YEATS2: variants seen among roughly 807,000 people sequenced by gnomAD.
The protein encoded by YEATS2 is YEATS domain-containing protein 2.
In YEATS2, 77 loss-of-function variants were observed where a neutral mutation model predicts 163.2. The observed-to-expected ratio is 0.47, with a 90% CI of 0.39 to 0.57. The LOEUF is 0.57. Among genes scored for constraint, YEATS2 ranks in the 20% least tolerant of loss-of-function variants. The pLI, the probability that YEATS2 is intolerant of heterozygous loss-of-function variation, is 0.00. For synonymous variants in YEATS2, 631 were observed against 645.1 expected, an observed-to-expected ratio of 0.98 and a Z score of 0.33; for missense variants, 1,549 against 1,729.8, an observed-to-expected ratio of 0.90 and a Z score of 1.85.
At chr3:183,807,832 C>T (rs929384843) in intron 28 of YEATS2, 198 bp from the exon 29 acceptor site, 2 of 544,478 alleles carry the variant, frequency 3.7e-6, no homozygotes, top group Non-Finnish European at 6.6e-6. Context: ...AAATATCAGC[C>T]AGAAATGTGG....
rs556108935 is a variant in YEATS2 at position 183,797,303 on chromosome 3, G to A, written c.3098-620G>A. On this transcript the variant is annotated intron_variant, in intron 21 of 30. Coordinates refer to ENST00000305135, the MANE Select transcript of YEATS2 (RefSeq NM_018023.5). The stretch of plus-strand genomic sequence containing the variant: ...AAAAAAAAAAAGCCCAGTGCTTTGG[G>A]AGGCCATGGTGGGAGGATCGCTCGA... 4.1e-4 allele frequency among the ~76,000 whole-genome samples: 61 copies of A among 150,564 alleles called. No individual in the cohort carries two copies. In the South Asian group the frequency reaches 0.013, roughly 32 times the overall value.
intron 15 of YEATS2, among the ~76,000 whole-genome samples, chr3:183,767,285 G>A (rs1381001250): frequency 1.3e-5 from 2 of 151,988 alleles, no homozygotes; most frequent in Non-Finnish European, 2.9e-5. Flanking sequence ...GAGTGCAGTG[G>A]TGCAGTCTTG....
Position 183,810,548 on chromosome 3 carries a change from A to G in YEATS2, c.4234A>G (p.Asn1412Asp), listed in dbSNP as rs1230359756. The change falls in exon 31 of 31, where the codon AAC (asparagine) becomes GAC (aspartate). Residue 1412 changes from asparagine to aspartate, a missense_variant. Asn to Asp is a conservative substitution (Grantham distance 23). Transcript: ENST00000305135. ...CNIPFLDFLTNKHMGILNEDQ is the reference protein window; with the variant it reads ...CNIPFLDFLTDKHMGILNEDQ Reference sequence around the variant, plus strand: ...CATTCCTTTTCTGGACTTCCTCACAAACAAACACATGGGAATATTGAATGA... The same window carrying G: ...CATTCCTTTTCTGGACTTCCTCACAGACAAACACATGGGAATATTGAATGA... The G allele has an allele frequency of 6.2e-7, 1 of 1,614,052 alleles. No individual in the cohort carries two copies. The highest frequency in any genetic ancestry group is 1.3e-5 in the African/African-American group (1 of 74,946).
At chr3:183,793,623 T>TG (rs1427392360) in intron 21 of YEATS2, 1 of 249,330 alleles carries the variant, frequency 4.0e-6, no homozygotes, top group Non-Finnish European at 6.3e-6. Context: ...TTTTTTTTTT[T>TG]TTTTTTGAGA....
At position 183,704,877 on chromosome 3, in the gene YEATS2, C is replaced by T. The variant is rs545153070; in HGVS notation, c.-20+6884C>T. Among the ~76,000 whole-genome samples the T allele has an allele frequency of 1.1e-4, 16 of 152,284 alleles. No homozygotes were observed. In the South Asian group the frequency reaches 3.3e-3, roughly 32 times the overall value. On this transcript the variant is annotated intron_variant, in intron 1 of 30. Coordinates refer to ENST00000305135, the MANE Select transcript of YEATS2 (RefSeq NM_018023.5). Reference sequence around the variant, plus strand: ...CTCCTGTCCTCAAGTGATCCACCCACCTTGGACTCCCAAAATGCTGGGATT... The same window carrying T: ...CTCCTGTCCTCAAGTGATCCACCCATCTTGGACTCCCAAAATGCTGGGATT...
intron 27 of YEATS2, 167 bp from the exon 28 acceptor site, chr3:183,806,699 T>A: frequency 1.5e-6 from 1 of 662,000 alleles, no homozygotes. Context: ...TTCTCCCTCG[T>A]GAATTACTAG....
At chr3:183,799,103 C>G (rs1373838397) in intron 23 of YEATS2, 114 bp downstream of exon 23, 4 of 818,074 alleles carry the variant, frequency 4.9e-6, no homozygotes, top group Non-Finnish European at 8.2e-6. Flanking sequence ...TAATCTGAAT[C>G]TTTTGAATTT....
At chr3:183,728,921 T>A in intron 7 of YEATS2, 70 bp downstream of exon 7, 3 of 1,449,016 alleles carry the variant, frequency 2.1e-6, no homozygotes, top group Non-Finnish European at 2.8e-6. Flanking sequence ...GAAAAGTGAT[T>A]TAACTTCAAA....
chr3:183,811,866 G>GT lies in YEATS2; in HGVS notation c.*1287dup, dbSNP rs916433008. 2.0e-5 allele frequency: 3 copies of GT among 152,246 alleles called. No homozygotes were observed. Among genetic ancestry groups the GT allele is most frequent in the African/African-American group, 7.2e-5 (3 of 41,452 alleles). 9.4% of individuals were successfully genotyped at this position (152,246 alleles called of 1,614,324 possible). ...AACTTACCCAAGCAACGTAATTCCT[G>GT]TTTTCATGGGTCCTGTAGATGTTTG... On this transcript the variant is annotated 3_prime_UTR_variant, in exon 31 of 31. Transcript: ENST00000305135.
At chr3:183,727,896 AT>A (rs1315612563) in intron 6 of YEATS2, among the ~76,000 whole-genome samples, 2 of 152,078 alleles carry the variant, frequency 1.3e-5, no homozygotes, top group Non-Finnish European at 2.9e-5. Context: ...AGGAATAAAA[AT>A]ATGCCAGTTT....
intron 7 of YEATS2, among the ~76,000 whole-genome samples, 200 bp from the exon 8 acceptor site, chr3:183,736,518 A>T (rs942461144): frequency 6.6e-6 from 1 of 152,208 alleles, no homozygotes; most frequent in Non-Finnish European, 1.5e-5. Flanking sequence ...TGAAAGTTTA[A>T]TAGAGGTTTG....
At chr3:183,795,455 ATTTTT>A (rs573338439) in intron 21 of YEATS2, among the ~76,000 whole-genome samples, 1 of 79,900 alleles carries the variant, frequency 1.3e-5, no homozygotes, top group Non-Finnish European at 2.7e-5. Context: ...CACGGGACTA[ATTTTT>A]TTTTTTTTTT....
chr3:183,752,567 G>T (rs532170898), intron 10 of YEATS2, among the ~76,000 whole-genome samples: 11 of 151,518 alleles, frequency 7.3e-5, no homozygotes, highest in African/African-American at 2.4e-4. Flanking sequence ...AATTTAGCTG[G>T]GTGTGATGGT....
chr3:183,707,666 C>T (rs1323233212), intron 1 of YEATS2, among the ~76,000 whole-genome samples: 1 of 151,634 alleles, frequency 6.6e-6, no homozygotes, highest in Non-Finnish European at 1.5e-5. Flanking sequence ...GTACTACTCC[C>T]CTTCCCCACC....
At chr3:183,721,099 T>TAA (rs1273001519) in intron 4 of YEATS2, among the ~76,000 whole-genome samples, 1 of 152,252 alleles carries the variant, frequency 6.6e-6, no homozygotes, top group Non-Finnish European at 1.5e-5. Flanking sequence ...TATCCTCTTA[T>TAA]GTTTTGATTA....
intron 8 of YEATS2, among the ~76,000 whole-genome samples, chr3:183,746,710 A>T (rs1284030189): frequency 6.6e-6 from 1 of 151,204 alleles, no homozygotes; most frequent in Non-Finnish European, 1.5e-5. Flanking sequence ...AAATATTAAA[A>T]CTCCAGATTT....
chr3:183,743,169 A>G (rs1237997720), intron 8 of YEATS2, among the ~76,000 whole-genome samples: 2 of 152,190 alleles, frequency 1.3e-5, no homozygotes, highest in Non-Finnish European at 2.9e-5. Flanking sequence ...GTATGTTTGT[A>G]TAAAACTGTA....
At chr3:183,793,151 AC>A (rs1560323309) in intron 21 of YEATS2, 1 of 1,285,954 alleles carries the variant, frequency 7.8e-7, no homozygotes, top group African/African-American at 1.5e-5. Context: ...GCACTGGTCT[AC>A]CGGAAAAACT....
intron 1 of YEATS2, among the ~76,000 whole-genome samples, chr3:183,711,541 A>G (rs186826298): frequency 1.2e-3 from 175 of 152,098 alleles, no homozygotes; most frequent in Middle Eastern, 0.01. Flanking sequence ...AAAAATAGTC[A>G]TTTATATTCT....
Sources: gnomAD v4.1 joint callset for allele counts (sites outside exome capture counted in the v4.1 genomes callset) on GRCh38, gnomAD v4.1.1 for gene constraint, MANE v1.5 for transcripts, NCBI Gene and HGNC (gene_info 2026-07-23, HGNC 2026-07-21) for gene names.